CTIF: variants seen among roughly 807,000 people sequenced by gnomAD.
CTIF encodes cap binding complex dependent translation initiation factor.
Under a neutral mutation model 66.0 loss-of-function variants are expected in CTIF, and 21 were observed. That is an observed-to-expected ratio of 0.32 (90% CI 0.23 to 0.46). CTIF has a LOEUF of 0.46. CTIF is among the 20% of genes least tolerant of loss of function. CTIF has a pLI of 1.00. For missense variants in CTIF, 739 were observed against 812.7 expected, an observed-to-expected ratio of 0.91 and a Z score of 1.10; for synonymous variants, 345 against 326.4, an observed-to-expected ratio of 1.06 and a Z score of -0.62.
chr18:48,707,121 G>A (rs1454796564), intron 6 of CTIF, among the ~76,000 whole-genome samples: 1 of 152,200 alleles, frequency 6.6e-6, no homozygotes, highest in Non-Finnish European at 1.5e-5. Context: ...TGCAGGAGGT[G>A]GAGGGGATAC....
rs1431732119 is a variant in CTIF at position 48,653,998 on chromosome 18, T to C, written c.253-9754T>C. Among the ~76,000 whole-genome samples, 9 of 152,272 alleles carry C rather than the reference T, an allele frequency of 5.9e-5. No individual in the cohort carries two copies. The South Asian group carries it at 1.9e-3, about 32-fold the overall frequency. The stretch of plus-strand genomic sequence containing the variant: ...ATTCAAGATGGATTAAAGACTTAAA[T>C]GTTAGACCTAAAACCATAAAAACCC... On this transcript the variant is annotated intron_variant, in intron 3 of 11. Transcript: ENST00000256413.
chr18:48,594,486 G>T (rs1161156866), intron 1 of CTIF, among the ~76,000 whole-genome samples: 1 of 152,094 alleles, frequency 6.6e-6, no homozygotes, highest in Non-Finnish European at 1.5e-5. Context: ...GAGGCCCAGG[G>T]GCTGAGGCCT....
chr18:48,836,445 C>T (rs1007580909), intron 10 of CTIF, among the ~76,000 whole-genome samples: 1 of 152,144 alleles, frequency 6.6e-6, no homozygotes, highest in East Asian at 1.9e-4. Flanking sequence ...CACCACCCTG[C>T]TGCCCCCTAA....
chr18:48,616,153 G>C (rs1026942957), intron 1 of CTIF, among the ~76,000 whole-genome samples: 1 of 152,176 alleles, frequency 6.6e-6, no homozygotes, highest in Non-Finnish European at 1.5e-5. Context: ...TGCAAAACCC[G>C]GTTCTCCGAC....
chr18:48,852,456 A>T (rs1466997051), intron 10 of CTIF, among the ~76,000 whole-genome samples: 5 of 151,570 alleles, frequency 3.3e-5, no homozygotes, highest in African/African-American at 1.2e-4. Flanking sequence ...GATGAGTCAC[A>T]CCCCCCACCT....
intron 7 of CTIF, among the ~76,000 whole-genome samples, chr18:48,744,768 T>A (rs2092582006): frequency 2.0e-5 from 3 of 152,306 alleles, no homozygotes; most frequent in African/African-American, 7.2e-5. Flanking sequence ...GTGGGCTGCA[T>A]TCGATTGTCA....
chr18:48,848,503 G>T (rs933261505), intron 10 of CTIF, among the ~76,000 whole-genome samples: 2 of 152,218 alleles, frequency 1.3e-5, no homozygotes, highest in Non-Finnish European at 2.9e-5. Context: ...CTGTGCTGTG[G>T]GTGAGCTGAG....
intron 7 of CTIF, among the ~76,000 whole-genome samples, chr18:48,734,290 G>T (rs887878958): frequency 2.0e-5 from 3 of 152,252 alleles, no homozygotes; most frequent in Non-Finnish European, 2.9e-5. Context: ...TTTGGGCTGG[G>T]CTCAGTGGCT....
Position 48,564,379 on chromosome 18 carries a change from G to A in CTIF, c.-29+25067G>A, listed in dbSNP as rs928867535. Among the ~76,000 whole-genome samples the A allele has an allele frequency of 3.9e-5, 6 of 152,244 alleles. No homozygotes were observed. In the East Asian group the frequency reaches 9.7e-4, roughly 25 times the overall value. On this transcript the variant is annotated intron_variant, in intron 1 of 11. Coordinates refer to ENST00000256413, the MANE Select transcript of CTIF (RefSeq NM_014772.3). ...TGAGTACAGCTCCGTGTCACAGCCC[G>A]GGGACAGCCCCACCTGCTGCAGGCG...
intron 7 of CTIF, among the ~76,000 whole-genome samples, chr18:48,723,035 A>G (rs542702127): frequency 3.7e-4 from 56 of 152,286 alleles, no homozygotes; most frequent in South Asian, 1.5e-3. Context: ...AGGAGATGCT[A>G]TTTTTATTTC....
chr18:48,670,083 G>T (rs2091504335), intron 5 of CTIF, among the ~76,000 whole-genome samples: 1 of 151,946 alleles, frequency 6.6e-6, no homozygotes, highest in African/African-American at 2.4e-5. Flanking sequence ...AACCCTGGGA[G>T]TCTGGTTTCG....
At chr18:48,822,792 T>C (rs2146373755) in intron 10 of CTIF, among the ~76,000 whole-genome samples, 1 of 152,286 alleles carries the variant, frequency 6.6e-6, no homozygotes, top group East Asian at 1.9e-4. Flanking sequence ...TGTACAAGGG[T>C]TCTAATTTCT....
intron 10 of CTIF, among the ~76,000 whole-genome samples, chr18:48,843,818 A>AGT (rs990997186): frequency 2.6e-5 from 4 of 151,968 alleles, no homozygotes; most frequent in African/African-American, 9.7e-5. Context: ...TCTCCCCATC[A>AGT]GCCTATTTAT....
At chr18:48,849,809 C>T (rs34149678) in intron 10 of CTIF, among the ~76,000 whole-genome samples, 261 of 152,154 alleles carry the variant, frequency 1.7e-3, no homozygotes, top group Middle Eastern at 6.8e-3. Context: ...TGATCTTGAT[C>T]TCTTGACATC....
intron 6 of CTIF, among the ~76,000 whole-genome samples, chr18:48,701,010 T>C (rs1346097659): frequency 1.3e-5 from 2 of 152,206 alleles, no homozygotes; most frequent in East Asian, 3.8e-4. Flanking sequence ...TTCTCAACAG[T>C]TGTCATTTCC....
At chr18:48,847,375 A>T (rs2069104871) in intron 10 of CTIF, among the ~76,000 whole-genome samples, 1 of 152,108 alleles carries the variant, frequency 6.6e-6, no homozygotes, top group Admixed American at 6.5e-5. Flanking sequence ...GTGGGAAATT[A>T]ATATCATTCC....
At chr18:48,812,056 G>A (rs1442242543) in intron 9 of CTIF, among the ~76,000 whole-genome samples, 10 of 152,132 alleles carry the variant, frequency 6.6e-5, no homozygotes, top group African/African-American at 1.9e-4. Flanking sequence ...TCCGCCTCCC[G>A]GGATCAAGCA....
chr18:48,598,753 C>A (rs1310488345), intron 1 of CTIF, among the ~76,000 whole-genome samples: 2 of 152,154 alleles, frequency 1.3e-5, no homozygotes, highest in African/African-American at 4.8e-5. Flanking sequence ...CCAATAAGGA[C>A]ATCAGCATTT....
intron 1 of CTIF, among the ~76,000 whole-genome samples, chr18:48,560,024 C>T (rs913306784): frequency 6.6e-6 from 1 of 151,912 alleles, no homozygotes; most frequent in African/African-American, 2.4e-5. Flanking sequence ...AAAAACCAAA[C>T]CACAAAAGTG....
Sources: gnomAD v4.1 joint callset for allele counts (sites outside exome capture counted in the v4.1 genomes callset) on GRCh38, gnomAD v4.1.1 for gene constraint, MANE v1.5 for transcripts, NCBI Gene and HGNC (gene_info 2026-07-23, HGNC 2026-07-21) for gene names.